Variants in ADGRF5 observed in about 807,000 individuals in gnomAD.
ADGRF5 encodes G-protein coupled receptor 116.
A neutral mutation model predicts 132.3 loss-of-function variants in ADGRF5; 75 were observed. The observed-to-expected ratio is 0.57, with a 90% CI of 0.47 to 0.69. The LOEUF (loss-of-function observed/expected upper bound fraction) is 0.69. Among genes scored for constraint, ADGRF5 ranks in the 30% least tolerant of loss-of-function variants. The pLI is 0.00. For missense variants in ADGRF5, 1,516 were observed against 1,630.6 expected, an observed-to-expected ratio of 0.93 and a Z score of 1.21; for synonymous variants, 629 against 597.6, an observed-to-expected ratio of 1.05 and a Z score of -0.77.
At chr6:46,874,716 T>A (rs1407583898) in intron 10 of ADGRF5, among the ~76,000 whole-genome samples, 2 of 152,160 alleles carry the variant, frequency 1.3e-5, no homozygotes, top group African/African-American at 4.8e-5. Flanking sequence ...TGGGGCTGTG[T>A]TGAGGGGGGT....
At chr6:46,889,756 A>G (rs1005133821) in intron 3 of ADGRF5, among the ~76,000 whole-genome samples, 1 of 126,736 alleles carries the variant, frequency 7.9e-6, no homozygotes, top group Non-Finnish European at 1.7e-5. Flanking sequence ...TATAAACACT[A>G]TATATAATAT....
chr6:46,882,657 G>C (rs1334125460), intron 6 of ADGRF5, among the ~76,000 whole-genome samples: 4 of 152,218 alleles, frequency 2.6e-5, no homozygotes, highest in Admixed American at 6.5e-5. Context: ...GGTGTGCCAG[G>C]TACCTAGGTG....
At chr6:46,856,604 A>G (rs1323323221) in intron 19 of ADGRF5, 114 bp downstream of exon 19, 1 of 692,310 alleles carries the variant, frequency 1.4e-6, no homozygotes, top group East Asian at 2.6e-5. Flanking sequence ...GATGCAATAT[A>G]TTTAGCCTAA....
At chr6:46,866,775 T>G in intron 13 of ADGRF5, 150 bp downstream of exon 13, 1 of 584,078 alleles carries the variant, frequency 1.7e-6, no homozygotes, top group Non-Finnish European at 3.0e-6. Context: ...CATAGCAAAA[T>G]AGAAGGTAAC....
intron 2 of ADGRF5, 74 bp downstream of exon 2, chr6:46,906,587 G>T: frequency 3.7e-6 from 3 of 807,870 alleles, no homozygotes; most frequent in Non-Finnish European, 6.3e-6. Flanking sequence ...TAAACTTTTT[G>T]TAAGAACCAT....
At chr6:46,854,148 C>T (rs1172866081) in intron 20 of ADGRF5, 77 bp from the exon 21 acceptor site, 4 of 1,028,902 alleles carry the variant, frequency 3.9e-6, no homozygotes, top group African/African-American at 1.7e-5. Flanking sequence ...CCTAAGGGAC[C>T]CAGGGGAGCA....
chr6:46,902,773 A>G (rs1245474277), intron 2 of ADGRF5, among the ~76,000 whole-genome samples: 1 of 152,158 alleles, frequency 6.6e-6, no homozygotes, highest in South Asian at 2.1e-4. Context: ...AAGCCCTACA[A>G]TCATTGGAGA....
intron 18 of ADGRF5, 44 bp downstream of exon 18, chr6:46,856,823 C>A (rs115376188): frequency 1.2e-6 from 2 of 1,601,712 alleles, no homozygotes; most frequent in East Asian, 2.2e-5. Context: ...ATGCCACAAG[C>A]ACTTCAGACT....
At chr6:46,888,200 C>T in intron 4 of ADGRF5, 135 bp downstream of exon 4, 1 of 639,384 alleles carries the variant, frequency 1.6e-6, no homozygotes, top group Non-Finnish European at 2.8e-6. Context: ...TGTGAAGTCA[C>T]AGAATCACAC....
chr6:46,941,147 C>A (rs190272796), intron 1 of ADGRF5, among the ~76,000 whole-genome samples: 14 of 152,114 alleles, frequency 9.2e-5, no homozygotes, highest in African/African-American at 3.1e-4. Context: ...CCAGCCTAGG[C>A]AACACAGAAA....
chr6:46,903,899 CT>C (rs1775031826), intron 2 of ADGRF5, among the ~76,000 whole-genome samples: 1 of 152,116 alleles, frequency 6.6e-6, no homozygotes, highest in Non-Finnish European at 1.5e-5. Context: ...ACATTGAAGC[CT>C]CACAACGAAC....
At position 46,907,652 on chromosome 6, in the gene ADGRF5, A is replaced by G. The variant is rs924753054; in HGVS notation, c.-24-866T>C. ...TCCACCCTAGAAGGTCTAGGGACCA[A>G]GACAATCTACTTTGTGCACACTCCT... On this transcript the variant is annotated intron_variant, in intron 1 of 20. Transcript: ENST00000283296. 2.0e-5 allele frequency among the ~76,000 whole-genome samples: 3 copies of G among 152,166 alleles called. No individual in the cohort carries two copies. The East Asian group carries it at 5.8e-4, about 29-fold the overall frequency.
chr6:46,864,094 AT>A (rs1770095349), intron 14 of ADGRF5, among the ~76,000 whole-genome samples: 1 of 152,190 alleles, frequency 6.6e-6, no homozygotes, highest in Non-Finnish European at 1.5e-5. Flanking sequence ...ATTTAAGAGG[AT>A]GAGGAGTTGC....
intron 1 of ADGRF5, among the ~76,000 whole-genome samples, chr6:46,911,210 C>A (rs1775918950): frequency 6.6e-6 from 1 of 152,288 alleles, no homozygotes; most frequent in African/African-American, 2.4e-5. Context: ...TAAAGGAAAT[C>A]ACTTTCACTG....
intron 11 of ADGRF5, 182 bp from the exon 12 acceptor site, chr6:46,869,274 CT>C: frequency 7.0e-7 from 1 of 1,437,434 alleles, no homozygotes; most frequent in Non-Finnish European, 9.1e-7. Context: ...TTACTCGTTT[CT>C]AGGCTGTTCC....
Position 46,881,437 on chromosome 6 carries a change from C to T in ADGRF5, c.814+18G>A. ...ATAACCATAAATAACATGACCATAT[C>T]TAAACAATTTCACTTACTGATAGTA... On this transcript the variant is annotated intron_variant, in intron 8 of 20. Transcript: ENST00000283296. 6.2e-7 allele frequency: 1 copy of T among 1,606,126 alleles called. No homozygotes were observed. The highest frequency in any genetic ancestry group is 1.3e-5 in the African/African-American group (1 of 74,866).
intron 1 of ADGRF5, among the ~76,000 whole-genome samples, chr6:46,919,070 G>A (rs1400540353): frequency 3.9e-5 from 6 of 152,216 alleles, no homozygotes; most frequent in Non-Finnish European, 7.3e-5. Flanking sequence ...GGGTGACGCC[G>A]ATGGACAGCA....
chr6:46,868,313 T>A (rs549176642), intron 12 of ADGRF5, among the ~76,000 whole-genome samples: 1 of 152,208 alleles, frequency 6.6e-6, no homozygotes, highest in African/African-American at 2.4e-5. Flanking sequence ...ATCCTCTAGG[T>A]TTATTGTTTC....
chr6:46,862,819 T>C, intron 15 of ADGRF5, 69 bp downstream of exon 15: 2 of 984,760 alleles, frequency 2.0e-6, no homozygotes, highest in Middle Eastern at 3.4e-4. Context: ...TTTTCCTAAG[T>C]GCTGAGAAAT....
Sources: gnomAD v4.1 joint callset for allele counts (sites outside exome capture counted in the v4.1 genomes callset) on GRCh38, gnomAD v4.1.1 for gene constraint, MANE v1.5 for transcripts, NCBI Gene and HGNC (gene_info 2026-07-23, HGNC 2026-07-21) for gene names.